Variants in TMED3 observed in about 807,000 individuals in gnomAD.
The protein encoded by TMED3 is transmembrane emp24 domain-containing protein 3.
A neutral mutation model predicts 15.0 loss-of-function variants in TMED3; 9 were observed. That is an observed-to-expected ratio of 0.60 (90% CI 0.36 to 1.04). TMED3 has a LOEUF of 1.04. TMED3 is among the 50% of genes least tolerant of loss of function. The probability of loss-of-function intolerance (pLI) is 0.01; values close to 1 mark genes in which losing one functional copy is unlikely to be tolerated. For missense variants in TMED3, 267 were observed against 278.9 expected (o/e 0.96, Z 0.30); for synonymous variants, 117 against 121.4 (o/e 0.96, Z 0.24).
intron 2 of TMED3, among the ~76,000 whole-genome samples, chr15:79,330,548 G>GGAAAAAATTCCCATGCTCATGGAT (rs2058804477): frequency 1.3e-5 from 2 of 152,014 alleles, no homozygotes; most frequent in Non-Finnish European, 2.9e-5. Context: ...TACAGTAATT[G>GGAAAAAATTCCCATGCTCATGGAT]GAAAAAATTC....
At chr15:79,394,115 G>A (rs1253552291) in intron 2 of TMED3, among the ~76,000 whole-genome samples, 2 of 152,170 alleles carry the variant, frequency 1.3e-5, no homozygotes, top group East Asian at 1.9e-4. Context: ...AATGCTGAGA[G>A]CTGAAGAGGG....
chr15:79,376,933 G>T (rs1354586202), intron 2 of TMED3, among the ~76,000 whole-genome samples: 1 of 152,060 alleles, frequency 6.6e-6, no homozygotes, highest in Admixed American at 6.6e-5. Flanking sequence ...GTGCTCAGTG[G>T]CTCCTTCAGT....
rs544554348 is a variant in TMED3 at position 79,315,123 on chromosome 15, C to T, written c.417+1118C>T. ...CGCCTTCCAAGGTGGCATCCTTCCT[C>T]TGTGGCTCTGGGCACACTCACGAGT... On this transcript the variant is annotated intron_variant, in intron 2 of 2. Coordinates refer to ENST00000299705, the MANE Select transcript of TMED3 (RefSeq NM_007364.4). Among the ~76,000 whole-genome samples, 5 of 152,334 alleles carry T rather than the reference C, an allele frequency of 3.3e-5. No homozygotes were observed. The East Asian group carries it at 7.7e-4, about 23-fold the overall frequency.
chr15:79,341,195 CAAAAA>C (rs58885572), intron 2 of TMED3, among the ~76,000 whole-genome samples: 6 of 58,340 alleles, frequency 1.0e-4, no homozygotes, highest in Non-Finnish European at 1.7e-4. Context: ...GACCCTGTCT[CAAAAA>C]AAAAAAAAAA....
At chr15:79,316,175 AAAGT>A (rs1249005473) in intron 2 of TMED3, among the ~76,000 whole-genome samples, 3 of 152,228 alleles carry the variant, frequency 2.0e-5, no homozygotes, top group African/African-American at 7.2e-5. Flanking sequence ...TTCTGGCAAG[AAAGT>A]AAGTATTAGG....
At chr15:79,348,093 A>T (rs2058877831) in intron 2 of TMED3, among the ~76,000 whole-genome samples, 1 of 152,178 alleles carries the variant, frequency 6.6e-6, no homozygotes, top group Non-Finnish European at 1.5e-5. Flanking sequence ...ATTATTAAGC[A>T]CTTACCCTGT....
At chr15:79,371,434 A>C (rs1256282683) in intron 2 of TMED3, among the ~76,000 whole-genome samples, 1 of 152,222 alleles carries the variant, frequency 6.6e-6, no homozygotes, top group Non-Finnish European at 1.5e-5. Context: ...CTGCCCTGAA[A>C]AAAAACCAAT....
downstream of TMED3, among the ~76,000 whole-genome samples, chr15:79,326,613 G>C (rs1235769905): frequency 6.6e-6 from 1 of 152,146 alleles, no homozygotes; most frequent in Non-Finnish European, 1.5e-5. Flanking sequence ...GAGGAGGGCG[G>C]GAAGAAGGAA....
chr15:79,362,304 A>T (rs1246367226), intron 2 of TMED3, among the ~76,000 whole-genome samples: 2 of 35,784 alleles, frequency 5.6e-5, no homozygotes, highest in Non-Finnish European at 1.6e-4. Context: ...TGCCTCTATA[A>T]AAAAAAAAAA....
At chr15:79,363,503 CAAAAAA>C (rs10676974) in intron 2 of TMED3, among the ~76,000 whole-genome samples, 1 of 125,332 alleles carries the variant, frequency 8.0e-6, no homozygotes, top group Non-Finnish European at 1.7e-5. Flanking sequence ...TACAATGACT[CAAAAAA>C]AAAAAAAAAA....
At chr15:79,311,487 C>T (rs1257617825) in intron 1 of TMED3, 70 bp downstream of exon 1, 31 of 1,506,942 alleles carry the variant, frequency 2.1e-5, no homozygotes, top group African/African-American at 4.2e-5. Flanking sequence ...ACTGGCTAGC[C>T]CCTGACTGGA....
At chr15:79,385,979 A>AC (rs368809118) in intron 2 of TMED3, among the ~76,000 whole-genome samples, 3 of 152,196 alleles carry the variant, frequency 2.0e-5, no homozygotes, top group Non-Finnish European at 4.4e-5. Context: ...TCTTCATTTA[A>AC]CCCCCATGTT....
At chr15:79,331,542 CAAAAA>C (rs71451761) in intron 2 of TMED3, among the ~76,000 whole-genome samples, 6 of 89,252 alleles carry the variant, frequency 6.7e-5, no homozygotes, top group Admixed American at 1.2e-4. Flanking sequence ...GCAAAAGAAG[CAAAAA>C]AAAAAAAAAA....
intron 1 of TMED3, 69 bp downstream of exon 1, chr15:79,311,486 C>G (rs1440216115): frequency 8.0e-6 from 12 of 1,507,554 alleles, no homozygotes; most frequent in East Asian, 2.5e-5. Flanking sequence ...CACTGGCTAG[C>G]CCCTGACTGG....
chr15:79,409,894 T>C (rs1893950489), intron 2 of TMED3, among the ~76,000 whole-genome samples: 1 of 152,128 alleles, frequency 6.6e-6, no homozygotes, highest in African/African-American at 2.4e-5. Context: ...AACTGTAAAA[T>C]AAGCTAGAGG....
intron 2 of TMED3, among the ~76,000 whole-genome samples, chr15:79,411,210 T>C (rs1893974220): frequency 6.6e-6 from 1 of 152,136 alleles, no homozygotes; most frequent in African/African-American, 2.4e-5. Flanking sequence ...AGCTCCCCAT[T>C]TCTGGCAGGT....
intron 2 of TMED3, among the ~76,000 whole-genome samples, chr15:79,334,474 C>T (rs1239835309): frequency 1.3e-5 from 2 of 152,070 alleles, no homozygotes; most frequent in Non-Finnish European, 2.9e-5. Flanking sequence ...AGAAGCTTTT[C>T]AGGCAGGTGT....
At chr15:79,323,047 A>G (rs1012820174), downstream of TMED3, among the ~76,000 whole-genome samples, 1 of 152,206 alleles carries the variant, frequency 6.6e-6, no homozygotes, top group African/African-American at 2.4e-5. Flanking sequence ...TGCTCACACC[A>G]TGTTGTACAA....
intron 2 of TMED3, chr15:79,314,655 G>T: frequency 2.4e-6 from 1 of 418,036 alleles, no homozygotes; most frequent in Non-Finnish European, 5.0e-6. Context: ...ATGTCCCATG[G>T]GTGAGAACTT....
Sources: gnomAD v4.1 joint callset for allele counts (sites outside exome capture counted in the v4.1 genomes callset) on GRCh38, gnomAD v4.1.1 for gene constraint, MANE v1.5 for transcripts, NCBI Gene and HGNC (gene_info 2026-07-23, HGNC 2026-07-21) for gene names.